PIAS2: variants seen among roughly 807,000 people sequenced by gnomAD.
PIAS2 encodes E3 SUMO-protein ligase PIAS2.
PIAS2 carries 19 observed loss-of-function variants against 69.7 expected under a neutral mutation model. The observed-to-expected ratio is 0.27, with a 90% CI of 0.19 to 0.40. PIAS2 has a LOEUF of 0.40. PIAS2 is among the 10% of genes least tolerant of loss of function. The pLI is 1.00. For synonymous variants in PIAS2, 261 were observed against 263.2 expected, an observed-to-expected ratio of 0.99 and a Z score of 0.08; for missense variants, 624 against 757.0, an observed-to-expected ratio of 0.82 and a Z score of 2.06.
At chr18:46,849,484 AC>A (rs779219465) in intron 5 of PIAS2, among the ~76,000 whole-genome samples, 5 of 152,198 alleles carry the variant, frequency 3.3e-5, no homozygotes, top group Non-Finnish European at 7.3e-5. Flanking sequence ...GTGACAGGGA[AC>A]CAGTGGGGCA....
intron 2 of PIAS2, among the ~76,000 whole-genome samples, chr18:46,888,765 G>C (rs1403943537): frequency 6.6e-6 from 1 of 152,188 alleles, no homozygotes; most frequent in East Asian, 1.9e-4. Flanking sequence ...TGCCACTGCT[G>C]ATCTGACAGG....
At chr18:46,888,773 A>G (rs2053607408) in intron 2 of PIAS2, among the ~76,000 whole-genome samples, 1 of 152,206 alleles carries the variant, frequency 6.6e-6, no homozygotes, top group South Asian at 2.1e-4. Flanking sequence ...CTGATCTGAC[A>G]GGAGGTGGAG....
rs776392716 is a variant in PIAS2, at chr18:46,890,667, G to C, written c.412C>G (p.Pro138Ala). 14 of 1,614,054 alleles carry C rather than the reference G, an allele frequency of 8.7e-6. No individual in the cohort carries two copies. Among genetic ancestry groups the C allele is most frequent in the Non-Finnish European group, 1.2e-5 (14 of 1,179,942 alleles). Residue 138 changes from proline to alanine, a missense_variant, in exon 2 of 14, where the codon CCA becomes GCA. Physicochemically the swap from Pro to Ala is conservative, Grantham distance 27. Around this residue, in one of 3 missense-constraint regions of PIAS2, gnomAD observed 339 missense variants for 408.8 expected, o/e 0.83. Transcript: ENST00000585916. ...PTFEMQQPSPPIPPVHPDVQL... is the reference protein window; with the variant it reads ...PTFEMQQPSPAIPPVHPDVQL... ...ACATCAGGATGGACAGGAGGAATTG[G>C]GGGAGATGGCTGCTGCATCTCAAAT...
At position 46,836,519 on chromosome 18, in the gene PIAS2, T is replaced by C. The variant is rs1448249327; in HGVS notation, c.1042-2A>G. 1 of 1,606,792 alleles carries C rather than the reference T, an allele frequency of 6.2e-7. No homozygotes were observed. Among genetic ancestry groups the C allele is most frequent in the South Asian group, 1.1e-5 (1 of 90,046 alleles). On this transcript the variant is annotated splice_acceptor_variant, in intron 8 of 13. Coordinates refer to ENST00000585916, the MANE Select transcript of PIAS2 (RefSeq NM_004671.5). LOFTEE classifies it high-confidence loss of function. Reference sequence around the variant, plus strand: ...GATTGTCAGCCTCATTTTTCCTAACTACAGGACAGGAAACACAAGGAAAAC... The same window carrying C: ...GATTGTCAGCCTCATTTTTCCTAACCACAGGACAGGAAACACAAGGAAAAC...
In PIAS2 at chr18:46,880,387, A is replaced by AC. The variant is rs1371853784; in HGVS notation, c.499+10192_499+10193insG. On this transcript the variant is annotated intron_variant, in intron 2 of 13. Coordinates refer to ENST00000585916, the MANE Select transcript of PIAS2 (RefSeq NM_004671.5). ...GAGAGACAGAGAGACCCTGTCTCAA[A>AC]AAAAACAAAACAAAACAAAACAACT... 1.8e-3 allele frequency among the ~76,000 whole-genome samples: 274 copies of AC among 152,230 alleles called. 1 individual carries two copies. Among genetic ancestry groups the AC allele is most frequent in the African/African-American group, 6.3e-3 (261 of 41,512 alleles).
intron 1 of PIAS2, among the ~76,000 whole-genome samples, chr18:46,900,103 G>A (rs1952653489): frequency 6.6e-6 from 1 of 152,040 alleles, no homozygotes; most frequent in East Asian, 1.9e-4. Context: ...GGTGGCTCAC[G>A]CCTGAAATCC....
At chr18:46,900,131 G>A (rs529743331) in intron 1 of PIAS2, among the ~76,000 whole-genome samples, 4 of 152,112 alleles carry the variant, frequency 2.6e-5, no homozygotes, top group East Asian at 3.9e-4. Context: ...TTGGGAGGCC[G>A]AGGCGGGCAA....
intron 2 of PIAS2, among the ~76,000 whole-genome samples, chr18:46,874,719 A>G (rs1191922962): frequency 6.6e-6 from 1 of 152,100 alleles, no homozygotes; most frequent in Non-Finnish European, 1.5e-5. Flanking sequence ...CTAAAGATCA[A>G]TTTCTCAGGA....
At chr18:46,892,172 C>CTGT (rs2054170827) in intron 1 of PIAS2, among the ~76,000 whole-genome samples, 1 of 152,086 alleles carries the variant, frequency 6.6e-6, no homozygotes, top group African/African-American at 2.4e-5. Context: ...GGCAGTTGCT[C>CTGT]TGTACTTTTT....
chr18:46,892,078 C>A (rs899711624), intron 1 of PIAS2, among the ~76,000 whole-genome samples: 4 of 152,022 alleles, frequency 2.6e-5, no homozygotes, highest in African/African-American at 7.2e-5. Context: ...CATCACTCCC[C>A]CAACCCAGCC....
chr18:46,849,346 C>T (rs939306087), intron 5 of PIAS2, among the ~76,000 whole-genome samples: 16 of 152,280 alleles, frequency 1.1e-4, no homozygotes, highest in African/African-American at 3.9e-4. Flanking sequence ...ACCACCCCTA[C>T]CCAACCATCA....
chr18:46,812,678 A>G, intron 13 of PIAS2, 66 bp from the exon 14 acceptor site: 2 of 956,008 alleles, frequency 2.1e-6, no homozygotes, highest in Non-Finnish European at 3.2e-6. Context: ...AGAGACTAGA[A>G]ATTATTAGAT....
In PIAS2 at chr18:46,807,379, ATATATTTTT is replaced by A. The variant is rs1346936152; in HGVS notation, c.*5045_*5053del. 2.7e-4 allele frequency: 7 copies of A among 25,594 alleles called. No individual in the cohort carries two copies. Among genetic ancestry groups the A allele is most frequent in the Non-Finnish European group, 4.0e-4 (6 of 14,976 alleles). 1.6% of individuals were successfully genotyped at this position (25,594 alleles called of 1,614,324 possible). A position where few individuals can be genotyped will look rare whatever the true frequency, so the allele number is the denominator to read the frequency against. On this transcript the variant is annotated 3_prime_UTR_variant, in exon 14 of 14. Transcript: ENST00000585916. ...TTTATATATATATATATATATATAT[ATATATTTTT>A]TTTTTTTTTTTTTTTTTTTTTTAGA...
At chr18:46,901,854 A>G (rs2055913680) in intron 1 of PIAS2, among the ~76,000 whole-genome samples, 1 of 152,240 alleles carries the variant, frequency 6.6e-6, no homozygotes, top group South Asian at 2.1e-4. Flanking sequence ...TTTCCCTCTA[A>G]TATTGGGACT....
intron 3 of PIAS2, among the ~76,000 whole-genome samples, chr18:46,856,126 C>A (rs532813534): frequency 1.7e-4 from 25 of 150,940 alleles, no homozygotes; most frequent in Non-Finnish European, 2.8e-4. Flanking sequence ...CTGCCTCAGC[C>A]TCCCGAGTAG....
chr18:46,818,842 A>G (rs952913325), intron 12 of PIAS2, among the ~76,000 whole-genome samples: 1 of 152,096 alleles, frequency 6.6e-6, no homozygotes, highest in Non-Finnish European at 1.5e-5. Context: ...TACTGGCTAA[A>G]TATCAGCCTT....
intron 2 of PIAS2, 26 bp from the exon 3 acceptor site, chr18:46,864,274 T>C (rs1242623889): frequency 1.4e-6 from 2 of 1,462,530 alleles, no homozygotes; most frequent in African/African-American, 1.4e-5. Context: ...AAAAGAAAGA[T>C]AATATTTCAA....
intron 2 of PIAS2, among the ~76,000 whole-genome samples, chr18:46,867,035 G>T (rs1037050355): frequency 6.6e-6 from 1 of 152,078 alleles, no homozygotes; most frequent in Non-Finnish European, 1.5e-5. Context: ...TGTTGTACAT[G>T]TATGTTCAAC....
chr18:46,865,727 A>T (rs1025089188), intron 2 of PIAS2, among the ~76,000 whole-genome samples: 1 of 152,210 alleles, frequency 6.6e-6, no homozygotes, highest in African/African-American at 2.4e-5. Context: ...ATTCTCCTAG[A>T]AATGTCACAA....
Sources: allele counts gnomAD v4.1 joint callset (sites outside exome capture counted in the v4.1 genomes callset), GRCh38; gene constraint gnomAD v4.1.1; regional missense constraint gnomAD v4.1.1; transcripts MANE v1.5; gene names NCBI Gene and HGNC (gene_info 2026-07-23, HGNC 2026-07-21).